CDH1: variants seen among roughly 807,000 people sequenced by gnomAD.
The protein encoded by CDH1 is cadherin-1.
CDH1 carries 35 observed loss-of-function variants against 84.5 expected under a neutral mutation model. The ratio of observed to expected loss-of-function variants is 0.41; its 90% CI spans 0.32 to 0.55. The LOEUF (loss-of-function observed/expected upper bound fraction) is 0.55, where lower values mean the gene tolerates loss of function less well. CDH1 is among the 20% of genes least tolerant of loss of function. The probability of loss-of-function intolerance (pLI) is 0.19; values close to 1 mark genes in which losing one functional copy is unlikely to be tolerated. For synonymous variants in CDH1, 417 were observed against 439.0 expected, an observed-to-expected ratio of 0.95 and a Z score of 0.63; for missense variants, 994 against 1,126.6, an observed-to-expected ratio of 0.88 and a Z score of 1.68.
chr16:68,768,165 C>T (rs8055912), intron 2 of CDH1, among the ~76,000 whole-genome samples: 44,927 of 151,798 alleles, frequency 0.3, 6,702 homozygotes, highest in Middle Eastern at 0.33. Flanking sequence ...AGGCTGGTCT[C>T]GAAGTCCTGA....
At chr16:68,768,171 C>T (rs948380256) in intron 2 of CDH1, among the ~76,000 whole-genome samples, 1 of 152,158 alleles carries the variant, frequency 6.6e-6, no homozygotes, top group Admixed American at 6.5e-5. Flanking sequence ...GTCTCGAAGT[C>T]CTGACCTCAG....
intron 6 of CDH1, among the ~76,000 whole-genome samples, chr16:68,811,084 T>C (rs1443290046): frequency 6.6e-6 from 1 of 151,820 alleles, no homozygotes; most frequent in Non-Finnish European, 1.5e-5. Flanking sequence ...GTCACATTCT[T>C]TTCTCTCCTC....
At chr16:68,810,865 CA>C (rs930343696) in intron 6 of CDH1, among the ~76,000 whole-genome samples, 66 of 141,112 alleles carry the variant, frequency 4.7e-4, no homozygotes, top group South Asian at 6.8e-4. Context: ...GACTCCGTCT[CA>C]AAAAAAAAAA....
chr16:68,753,447 A>T (rs1184528850), intron 2 of CDH1, among the ~76,000 whole-genome samples: 4 of 144,666 alleles, frequency 2.8e-5, no homozygotes, highest in African/African-American at 1.2e-4. Flanking sequence ...CCCAGGTTCA[A>T]GCGATTCTCC....
At chr16:68,751,755 G>A (rs867827706) in intron 2 of CDH1, among the ~76,000 whole-genome samples, 4 of 151,530 alleles carry the variant, frequency 2.6e-5, no homozygotes, top group Admixed American at 1.3e-4. Context: ...CACCTGCCTC[G>A]GCCTCCCAAA....
intron 2 of CDH1, among the ~76,000 whole-genome samples, chr16:68,779,685 C>T (rs916607045): frequency 6.6e-6 from 1 of 152,118 alleles, no homozygotes; most frequent in Admixed American, 6.6e-5. Flanking sequence ...GATGAAACCT[C>T]GTCTCTACTA....
At chr16:68,798,763 C>T (rs1306255244) in intron 2 of CDH1, among the ~76,000 whole-genome samples, 2 of 152,088 alleles carry the variant, frequency 1.3e-5, no homozygotes, top group Non-Finnish European at 2.9e-5. Context: ...CTAGTTGCCC[C>T]ATTACTTCTG....
At chr16:68,777,876 C>T (rs776081711) in intron 2 of CDH1, among the ~76,000 whole-genome samples, 7 of 151,832 alleles carry the variant, frequency 4.6e-5, no homozygotes, top group East Asian at 1.9e-4. Flanking sequence ...GGACTACAGG[C>T]GCACACCACC....
chr16:68,828,356 A>G (rs2152141676), intron 14 of CDH1, 52 bp downstream of exon 14: 3 of 1,596,162 alleles, frequency 1.9e-6, no homozygotes, highest in Non-Finnish European at 2.6e-6. Flanking sequence ...ATTCGGAAGA[A>G]GCAATGATTA....
intron 8 of CDH1, among the ~76,000 whole-genome samples, chr16:68,812,804 G>T (rs1321025053): frequency 6.6e-6 from 1 of 152,150 alleles, no homozygotes; most frequent in Non-Finnish European, 1.5e-5. Context: ...AAGTTGAGAG[G>T]CCAAGGCTGG....
At chr16:68,820,940 C>T (rs1256976132) in intron 11 of CDH1, among the ~76,000 whole-genome samples, 2 of 151,932 alleles carry the variant, frequency 1.3e-5, no homozygotes, top group Admixed American at 6.6e-5. Flanking sequence ...TGCTTGGCCT[C>T]CTTGAGTTAA....
intron 9 of CDH1, chr16:68,814,236 A>G (rs1259609656): frequency 2.0e-5 from 3 of 153,406 alleles, no homozygotes; most frequent in Admixed American, 6.4e-5. Flanking sequence ...TTCGTCTCAA[A>G]AAAAGGAAAT....
intron 5 of CDH1, 171 bp downstream of exon 5, chr16:68,809,019 G>A (rs1216782111): frequency 2.4e-5 from 16 of 658,208 alleles, no homozygotes; most frequent in Non-Finnish European, 4.2e-5. Flanking sequence ...GACAGTTTGG[G>A]GTTGTTAATT....
intron 2 of CDH1, among the ~76,000 whole-genome samples, chr16:68,766,689 C>A (rs773028521): frequency 3.9e-5 from 6 of 151,946 alleles, no homozygotes; most frequent in Non-Finnish European, 7.3e-5. Context: ...TGTATAGTAA[C>A]ATATAATTCT....
At chr16:68,785,766 A>G (rs1004061000) in intron 2 of CDH1, among the ~76,000 whole-genome samples, 1 of 150,900 alleles carries the variant, frequency 6.6e-6, no homozygotes, top group African/African-American at 2.4e-5. Flanking sequence ...GGTTCATAGT[A>G]TTTCATTGTA....
At chr16:68,761,263 C>A (rs1269508265) in intron 2 of CDH1, among the ~76,000 whole-genome samples, 1 of 152,152 alleles carries the variant, frequency 6.6e-6, no homozygotes, top group Non-Finnish European at 1.5e-5. Context: ...CTGGGGCAGC[C>A]CTTGGAGAGG....
chr16:68,741,914 G>A (rs191041165), intron 2 of CDH1, among the ~76,000 whole-genome samples: 193 of 152,268 alleles, frequency 1.3e-3, no homozygotes, highest in Non-Finnish European at 2.2e-3. Context: ...CAGGTGATCC[G>A]CCTGCCTTGG....
chr16:68,793,951 A>T (rs1394712965), intron 2 of CDH1, among the ~76,000 whole-genome samples: 3 of 146,034 alleles, frequency 2.1e-5, no homozygotes, highest in Non-Finnish European at 4.5e-5. Flanking sequence ...AAAAAAAAAA[A>T]GTGGGAGGAT....
At chr16:68,745,925 C>T (rs1339696570) in intron 2 of CDH1, among the ~76,000 whole-genome samples, 1 of 152,166 alleles carries the variant, frequency 6.6e-6, no homozygotes, top group Non-Finnish European at 1.5e-5. Context: ...TCAAGCAATT[C>T]TCATGCCTCA....
Sources: gnomAD v4.1 joint callset for allele counts (sites outside exome capture counted in the v4.1 genomes callset) on GRCh38, gnomAD v4.1.1 for gene constraint, MANE v1.5 for transcripts, NCBI Gene and HGNC (gene_info 2026-07-23, HGNC 2026-07-21) for gene names.